Variants in NOTCH2 observed in about 807,000 individuals in gnomAD.
NOTCH2 encodes the protein neurogenic locus notch homolog protein 2.
Under a neutral mutation model 235.8 loss-of-function variants are expected in NOTCH2, and 29 were observed. That is an observed-to-expected ratio of 0.12 (90% CI 0.09 to 0.17). NOTCH2 has a LOEUF of 0.17. Ranked by LOEUF, NOTCH2 falls within the 10% of genes least tolerant of loss-of-function variation. NOTCH2 has a pLI of 1.00. For synonymous variants in NOTCH2, 1,086 were observed against 1,141.5 expected, an observed-to-expected ratio of 0.95 and a Z score of 0.98; for missense variants, 2,285 against 3,150.2, an observed-to-expected ratio of 0.73 and a Z score of 6.57.
Position 119,953,688 on chromosome 1 carries a change from T to C in NOTCH2, c.2220A>G (p.Gly740=). 1 of 1,614,100 alleles carries C rather than the reference T, an allele frequency of 6.2e-7. No homozygotes were observed. The highest frequency in any genetic ancestry group is 8.5e-7 in the Non-Finnish European group (1 of 1,179,964). The part of the protein sequence containing the change: ...IHGNCTGGLS[G]YKCLCDAGWV... ...AGCCTGCATCACAGAGACACTTATA[T>C]CTGAAAGAAGACAAAACTTTTTACT... The change falls in exon 14 of 34, where the codon GGA becomes GGG. Residue 740 remains glycine (G), a splice_region_variant and synonymous_variant. Transcript: ENST00000256646.
At chr1:119,990,595 C>CTT (rs1486924865) in intron 4 of NOTCH2, among the ~76,000 whole-genome samples, 5 of 151,708 alleles carry the variant, frequency 3.3e-5, no homozygotes, top group African/African-American at 1.2e-4. Context: ...TACTCTAATC[C>CTT]TTTTATGTTA....
intron 14 of NOTCH2, 42 bp from the exon 15 acceptor site, chr1:119,950,879 G>T: frequency 8.1e-7 from 1 of 1,231,268 alleles, no homozygotes; most frequent in South Asian, 1.2e-5. Flanking sequence ...AAAACTTTCT[G>T]ACAGCCTCAT....
intron 18 of NOTCH2, 48 bp downstream of exon 18, chr1:119,941,478 C>T: frequency 1.5e-6 from 2 of 1,359,482 alleles, no homozygotes; most frequent in Admixed American, 1.7e-5. Context: ...CCTTCCCTTT[C>T]TCCCTTTCTC....
At chr1:119,988,516 CAGAAAT>C (rs2101188305) in intron 4 of NOTCH2, among the ~76,000 whole-genome samples, 1 of 152,202 alleles carries the variant, frequency 6.6e-6, no homozygotes, top group East Asian at 1.9e-4. Flanking sequence ...ATTATTCATA[CAGAAAT>C]ATGAGTCTTA....
intron 23 of NOTCH2, 114 bp from the exon 24 acceptor site, chr1:119,926,725 T>C (rs771262661): frequency 2.2e-5 from 18 of 810,628 alleles, no homozygotes; most frequent in Non-Finnish European, 3.6e-5. Flanking sequence ...TGTGAGAGAG[T>C]TCAGTTCTAG....
chr1:120,042,705 G>A (rs1654625277), intron 1 of NOTCH2, among the ~76,000 whole-genome samples: 1 of 150,402 alleles, frequency 6.6e-6, no homozygotes, highest in Admixed American at 6.6e-5. Context: ...CCAATGCATT[G>A]TAATCACTTT....
intron 14 of NOTCH2, among the ~76,000 whole-genome samples, chr1:119,952,239 C>A (rs2101120348): frequency 6.6e-6 from 1 of 152,306 alleles, no homozygotes; most frequent in Admixed American, 6.5e-5. Context: ...GGTAGGCCAG[C>A]AGTCCCTCAG....
intron 19 of NOTCH2, among the ~76,000 whole-genome samples, chr1:119,939,346 T>C (rs1260751920): frequency 6.6e-6 from 1 of 152,222 alleles, no homozygotes; most frequent in Non-Finnish European, 1.5e-5. Context: ...GGTTAAGCTA[T>C]TCCCAATGCT....
rs201996575 is a variant in NOTCH2 at position 119,919,409 on chromosome 1, C to T, written c.5684G>A (p.Arg1895His). Reference protein sequence around the residue: ...ARYSRADAAKRLLDAGADANA... With the variant: ...ARYSRADAAKHLLDAGADANA... ...GGCATCTGCACCTGCATCCAGGAGA[C>T]GCTTGGCAGCATCAGCCCGTGAGTA... Residue 1895 changes from arginine to histidine, a missense_variant, in exon 31 of 34, where the codon CGT becomes CAT. Around this residue, in one of 6 missense-constraint regions of NOTCH2, gnomAD observed 128 missense variants for 255.9 expected, o/e 0.50. Coordinates refer to ENST00000256646, the MANE Select transcript of NOTCH2 (RefSeq NM_024408.4). 112 of 1,613,824 alleles carry T rather than the reference C, an allele frequency of 6.9e-5. No homozygotes were observed. The East Asian group carries it at 1.4e-3, about 21-fold the overall frequency.
chr1:119,967,999 A>G (rs1651211018), intron 7 of NOTCH2, 78 bp downstream of exon 7: 2 of 1,541,086 alleles, frequency 1.3e-6, no homozygotes, highest in Non-Finnish European at 1.8e-6. Context: ...TTGCTTCTAC[A>G]GTAAAATGTG....
At chr1:119,919,253 A>G in intron 31 of NOTCH2, 59 bp downstream of exon 31, 1 of 1,503,292 alleles carries the variant, frequency 6.7e-7, no homozygotes. Context: ...TTTAAAAACG[A>G]TAAAACATTA....
intron 5 of NOTCH2, among the ~76,000 whole-genome samples, chr1:119,985,067 G>T (rs912794187): frequency 2.6e-5 from 4 of 152,120 alleles, no homozygotes; most frequent in Admixed American, 6.6e-5. Context: ...AACTGCTAGG[G>T]TATGCTGCTA....
At chr1:119,952,216 T>C (rs1346988427) in intron 14 of NOTCH2, among the ~76,000 whole-genome samples, 2 of 152,182 alleles carry the variant, frequency 1.3e-5, no homozygotes, top group African/African-American at 4.8e-5. Context: ...TTCCCATGAC[T>C]ATCCATTTGT....
Position 120,035,398 on chromosome 1 carries a change from C to A in NOTCH2, c.74-5411G>T, listed in dbSNP as rs587764247. Among the ~76,000 whole-genome samples, 8 of 152,022 alleles carry A rather than the reference C, an allele frequency of 5.3e-5. No individual in the cohort carries two copies. The South Asian group carries it at 1.7e-3, about 31-fold the overall frequency. ...TCTTACTTTAACGAGTCTAGGCTCC[C>A]ATGCTGGCCTTCCAGATCAGAGCTT... On this transcript the variant is annotated intron_variant, in intron 1 of 33. Coordinates refer to ENST00000256646, the MANE Select transcript of NOTCH2 (RefSeq NM_024408.4).
intron 1 of NOTCH2, among the ~76,000 whole-genome samples, chr1:120,033,501 T>C (rs1268700802): frequency 2.7e-5 from 4 of 149,266 alleles, no homozygotes; most frequent in Non-Finnish European, 4.5e-5. Flanking sequence ...ATTCTGTCAT[T>C]TGAGACAACA....
At chr1:119,954,673 T>C (rs1450455379) in intron 13 of NOTCH2, among the ~76,000 whole-genome samples, 1 of 152,158 alleles carries the variant, frequency 6.6e-6, no homozygotes, top group Non-Finnish European at 1.5e-5. Context: ...CTGAGCTATG[T>C]TTAAGCAGGG....
chr1:119,958,034 C>T (rs1474203026), intron 12 of NOTCH2, among the ~76,000 whole-genome samples: 2 of 152,132 alleles, frequency 1.3e-5, no homozygotes, highest in African/African-American at 2.4e-5. Context: ...GTATTCTCAA[C>T]GTCGGTGACA....
At chr1:120,014,832 C>T (rs1462540441) in intron 2 of NOTCH2, among the ~76,000 whole-genome samples, 1 of 124,922 alleles carries the variant, frequency 8.0e-6, no homozygotes, top group East Asian at 2.1e-4. Context: ...AGTGTAGCAG[C>T]TTGTGTCAGC....
rs1442109559 is a variant in NOTCH2 at position 119,926,493 on chromosome 1, A to C, written c.4005+6T>G. ...CCCCTTCTTAGATGAGCAACAGGGC[A>C]CTTACCGGGGGACAACGGCAAATGA... is the stretch of plus-strand genomic sequence containing the variant. On this transcript the variant is annotated splice_donor_region_variant and intron_variant, in intron 24 of 33. Coordinates refer to ENST00000256646, the MANE Select transcript of NOTCH2 (RefSeq NM_024408.4). The C allele has an allele frequency of 6.3e-7, 1 of 1,591,070 alleles. No homozygotes were observed. The highest frequency in any genetic ancestry group is 8.6e-7 in the Non-Finnish European group (1 of 1,164,496).
Sources: gnomAD v4.1 joint callset for allele counts (sites outside exome capture counted in the v4.1 genomes callset) on GRCh38, gnomAD v4.1.1 for gene constraint, gnomAD v4.1.1 regional missense constraint, MANE v1.5 for transcripts, NCBI Gene and HGNC (gene_info 2026-07-23, HGNC 2026-07-21) for gene names.